ALOX5AP: variants seen among roughly 807,000 people sequenced by gnomAD.
The protein encoded by ALOX5AP is arachidonate 5-lipoxygenase-activating protein.
A neutral mutation model predicts 18.5 loss-of-function variants in ALOX5AP; 9 were observed. That is an observed-to-expected ratio of 0.49 (90% confidence interval 0.29 to 0.85). The LOEUF is 0.85. Among genes scored for constraint, ALOX5AP ranks in the 40% least tolerant of loss-of-function variants. The probability of loss-of-function intolerance (pLI) is 0.08; values close to 1 mark genes in which losing one functional copy is unlikely to be tolerated. For missense variants in ALOX5AP, 172 were observed against 202.5 expected (o/e 0.85, Z 0.91); for synonymous variants, 81 against 78.6 (o/e 1.03, Z -0.16).
chr13:30,720,316 C>T (rs947967973), intron 1 of ALOX5AP, among the ~76,000 whole-genome samples: 3 of 152,184 alleles, frequency 2.0e-5, no homozygotes, highest in Non-Finnish European at 4.4e-5. Flanking sequence ...AAGCTTCATA[C>T]GCAATGTAAA....
At chr13:30,738,406 G>A (rs559948391) in intron 1 of ALOX5AP, among the ~76,000 whole-genome samples, 3 of 152,324 alleles carry the variant, frequency 2.0e-5, no homozygotes, top group African/African-American at 7.2e-5. Context: ...GTTTCCCAGA[G>A]AATATAGCAA....
At chr13:30,747,943 T>C (rs1358325305) in intron 2 of ALOX5AP, among the ~76,000 whole-genome samples, 9 of 152,050 alleles carry the variant, frequency 5.9e-5, no homozygotes, top group African/African-American at 1.7e-4. Context: ...TTTTTTGAGA[T>C]GGAGCTTCAC....
At chr13:30,718,696 G>A (rs1951569445) in intron 1 of ALOX5AP, among the ~76,000 whole-genome samples, 1 of 152,108 alleles carries the variant, frequency 6.6e-6, no homozygotes, top group African/African-American at 2.4e-5. Flanking sequence ...CAAAACATGG[G>A]GTTTACACTG....
chr13:30,734,984 T>C (rs1304200283), upstream of ALOX5AP, among the ~76,000 whole-genome samples: 2 of 152,122 alleles, frequency 1.3e-5, no homozygotes, highest in Non-Finnish European at 2.9e-5. Context: ...TATACATTTT[T>C]TTAAAGTTTC....
At chr13:30,739,655 C>T (rs2137806680) in intron 1 of ALOX5AP, among the ~76,000 whole-genome samples, 1 of 152,246 alleles carries the variant, frequency 6.6e-6, no homozygotes, top group East Asian at 1.9e-4. Context: ...GGTTGGCCTC[C>T]AACTCCTGAC....
upstream of ALOX5AP, among the ~76,000 whole-genome samples, chr13:30,733,138 A>G (rs992020526): frequency 5.4e-5 from 8 of 148,144 alleles, no homozygotes; most frequent in South Asian, 4.4e-4. Flanking sequence ...CAGCCTGGGC[A>G]ACAGAGCAAG....
chr13:30,731,112 T>A (rs1951677587), upstream of ALOX5AP, among the ~76,000 whole-genome samples: 1 of 152,214 alleles, frequency 6.6e-6, no homozygotes, highest in Non-Finnish European at 1.5e-5. Context: ...GTCGTGGGGA[T>A]ATGTTATTTC....
At chr13:30,717,341 G>A (rs1017768089) in intron 1 of ALOX5AP, among the ~76,000 whole-genome samples, 1 of 152,228 alleles carries the variant, frequency 6.6e-6, no homozygotes, top group African/African-American at 2.4e-5. Flanking sequence ...ACTTCTGCGA[G>A]CAAAGGTGTG....
rs1951967932 is a variant in ALOX5AP at position 30,763,975 on chromosome 13, A to G, written c.355A>G (p.Ile119Val). The change falls in exon 5 of 5, where the codon ATA becomes GTA. Residue 119 changes from isoleucine to valine, a missense_variant. Transcript: ENST00000380490. ...TGGCTACATATTTGGGAAACGCATC[A>G]TACTCTTCCTGTTCCTCATGTCCGT... ...TPGYIFGKRI[I>V]LFLFLMSVAG... is the part of the protein sequence containing the mutation. The G allele has an allele frequency of 1.9e-6, 3 of 1,614,134 alleles. No individual in the cohort carries two copies. The highest frequency in any genetic ancestry group is 4.5e-5 in the East Asian group (2 of 44,876).
At chr13:30,746,519 C>T (rs960747315) in intron 2 of ALOX5AP, among the ~76,000 whole-genome samples, 2 of 152,038 alleles carry the variant, frequency 1.3e-5, no homozygotes, top group African/African-American at 4.8e-5. Flanking sequence ...TAAAAAGGGT[C>T]AAAGATCAAT....
chr13:30,726,930 A>G (rs1249872891), intron 1 of ALOX5AP, among the ~76,000 whole-genome samples: 1 of 152,208 alleles, frequency 6.6e-6, no homozygotes. Flanking sequence ...GTCACAAGAT[A>G]TCAAAAAGGG....
rs1398905571 is a variant in ALOX5AP at position 30,763,992 on chromosome 13, C to G, written c.372C>G (p.Leu124=). The stretch of plus-strand genomic sequence containing the variant: ...AACGCATCATACTCTTCCTGTTCCT[C>G]ATGTCCGTTGCTGGCATATTCAACT... ...FGKRIILFLF[L]MSVAGIFNYY... Residue 124 remains leucine, a synonymous_variant, in exon 5 of 5, where the codon CTC becomes CTG. Transcript: ENST00000380490. The G allele has an allele frequency of 6.2e-7, 1 of 1,614,208 alleles. No homozygotes were observed. The highest frequency in any genetic ancestry group is 8.5e-7 in the Non-Finnish European group (1 of 1,180,026).
intron 2 of ALOX5AP, among the ~76,000 whole-genome samples, chr13:30,746,781 A>G (rs984055085): frequency 6.6e-6 from 1 of 152,246 alleles, no homozygotes; most frequent in Non-Finnish European, 1.5e-5. Flanking sequence ...TAATATACAC[A>G]TGGACAGTAG....
intron 2 of ALOX5AP, among the ~76,000 whole-genome samples, chr13:30,746,929 T>A (rs1472303937): frequency 3.3e-5 from 5 of 152,344 alleles, no homozygotes; most frequent in African/African-American, 1.2e-4. Context: ...TAAATGATAC[T>A]GGTGGATTAA....
At chr13:30,713,859 C>T (rs9315035) in intron 1 of ALOX5AP, 73,956 of 1,342,900 alleles carry the variant, frequency 0.055, 2,140 homozygotes, top group South Asian at 0.12. Context: ...TGTGTGTGCG[C>T]GCACACGCGC....
At chr13:30,756,986 T>C (rs1018140485) in intron 4 of ALOX5AP, among the ~76,000 whole-genome samples, 6 of 152,194 alleles carry the variant, frequency 3.9e-5, no homozygotes, top group African/African-American at 1.4e-4. Context: ...ATGCTAATAC[T>C]TACAGAAGAA....
chr13:30,762,224 C>T (rs968449331), intron 4 of ALOX5AP, among the ~76,000 whole-genome samples: 6 of 152,178 alleles, frequency 3.9e-5, no homozygotes, highest in East Asian at 1.9e-4. Flanking sequence ...TGCTGGTCCA[C>T]GGACCATACT....
intron 3 of ALOX5AP, among the ~76,000 whole-genome samples, chr13:30,753,201 G>A (rs964016372): frequency 6.6e-6 from 1 of 152,224 alleles, no homozygotes; most frequent in Non-Finnish European, 1.5e-5. Context: ...CAGTGATAGA[G>A]AGCAGAGGTG....
chr13:30,737,209 C>T (rs1392848177), intron 1 of ALOX5AP, among the ~76,000 whole-genome samples: 6 of 152,186 alleles, frequency 3.9e-5, no homozygotes, highest in Admixed American at 2.0e-4. Context: ...AACCCAGCTA[C>T]GAAGTTTGAG....
Sources: allele counts gnomAD v4.1 joint callset (sites outside exome capture counted in the v4.1 genomes callset), GRCh38; gene constraint gnomAD v4.1.1; transcripts MANE v1.5; gene names NCBI Gene and HGNC (gene_info 2026-07-23, HGNC 2026-07-21).